Variants in RAB28 observed in about 807,000 individuals in gnomAD.
The protein encoded by RAB28 is ras-related protein Rab-28.
A neutral mutation model predicts 31.7 loss-of-function variants in RAB28; 24 were observed. The ratio of observed to expected loss-of-function variants is 0.76; its 90% confidence interval spans 0.55 to 1.06. RAB28 has a LOEUF of 1.06. Among genes scored for constraint, RAB28 ranks in the 50% least tolerant of loss-of-function variants. The pLI is 0.00. For missense variants in RAB28, 254 were observed against 258.5 expected (o/e 0.98, Z 0.12); for synonymous variants, 100 against 90.4 (o/e 1.11, Z -0.60).
At chr4:13,399,274 T>C (rs913924581) in intron 4 of RAB28, among the ~76,000 whole-genome samples, 7 of 152,216 alleles carry the variant, frequency 4.6e-5, no homozygotes, top group Non-Finnish European at 1.0e-4. Flanking sequence ...ATGAAGTATA[T>C]ACAGTTCATG....
intron 5 of RAB28, 89 bp downstream of exon 5, chr4:13,381,402 T>A: frequency 1.1e-6 from 1 of 904,914 alleles, no homozygotes; most frequent in Non-Finnish European, 1.7e-6. Flanking sequence ...ATTAATTTGC[T>A]CCAAAAGTTA....
Position 13,404,622 on chromosome 4 carries a change from T to C in RAB28, c.392-23028A>G, listed in dbSNP as rs550451876. On this transcript the variant is annotated intron_variant, in intron 4 of 6. Coordinates refer to ENST00000330852, the MANE Select transcript of RAB28 (RefSeq NM_001017979.3). ...AGGAGCTTAATTTCAAACCTAGAAA[T>C]ATTCTAGGCTTCAAACATCTCCATT... Among the ~76,000 whole-genome samples the C allele has an allele frequency of 2.0e-5, 3 of 152,146 alleles. No individual in the cohort carries two copies. The South Asian group carries it at 6.2e-4, about 32-fold the overall frequency.
intron 4 of RAB28, among the ~76,000 whole-genome samples, chr4:13,445,439 G>A (rs1034201456): frequency 2.0e-5 from 3 of 152,024 alleles, no homozygotes; most frequent in Admixed American, 6.6e-5. Context: ...AGGAAAAGAG[G>A]CATTCTGGCT....
At chr4:13,422,671 G>C (rs1713233231) in intron 4 of RAB28, among the ~76,000 whole-genome samples, 1 of 151,902 alleles carries the variant, frequency 6.6e-6, no homozygotes, top group Admixed American at 6.6e-5. Flanking sequence ...AACACTGCAT[G>C]TGCTCACTCA....
chr4:13,371,636 A>T, intron 6 of RAB28: 4 of 985,348 alleles, frequency 4.1e-6, no homozygotes, highest in Non-Finnish European at 4.8e-6. Flanking sequence ...ACTGTAAGCC[A>T]TAACCAAGGC....
At position 13,385,800 on chromosome 4, in the gene RAB28, T is replaced by A. The variant is rs112984677; in HGVS notation, c.392-4206A>T. 7.5e-3 allele frequency among the ~76,000 whole-genome samples: 1,138 copies of A among 152,214 alleles called. 7 individuals are homozygous for A. The highest frequency in any genetic ancestry group is 0.013 in the Non-Finnish European group (851 of 67,982). On this transcript the variant is annotated intron_variant, in intron 4 of 6. Transcript: ENST00000330852. ...TCTGCATAATAACCAGCTAACCTCA[T>A]GATGACATCCACATGCGAAAGAATA...
At chr4:13,420,329 C>T (rs1039119211) in intron 4 of RAB28, among the ~76,000 whole-genome samples, 3 of 152,106 alleles carry the variant, frequency 2.0e-5, no homozygotes, top group Admixed American at 2.0e-4. Flanking sequence ...ACCAGAGGTA[C>T]AAAGAGGAGC....
chr4:13,480,450 T>C (rs112910935), intron 1 of RAB28, among the ~76,000 whole-genome samples: 1 of 151,878 alleles, frequency 6.6e-6, no homozygotes, highest in Non-Finnish European at 1.5e-5. Context: ...AAATAGCCGT[T>C]TTTTATTTTA....
In RAB28 at chr4:13,472,506, A is replaced by T. The variant is rs552842591; in HGVS notation, c.261+1812T>A. 4.6e-5 allele frequency among the ~76,000 whole-genome samples: 7 copies of T among 152,010 alleles called. No homozygotes were observed. In the South Asian group the frequency reaches 1.4e-3, roughly 31 times the overall value. On this transcript the variant is annotated intron_variant, in intron 3 of 6. Coordinates refer to ENST00000330852, the MANE Select transcript of RAB28 (RefSeq NM_001017979.3). The stretch of plus-strand genomic sequence containing the variant: ...CTAATTTTTAAGTGAAGAAAAATGT[A>T]TTAATTGAATTATATATTATTATTT...
intron 2 of RAB28, among the ~76,000 whole-genome samples, chr4:13,477,296 T>C (rs543594513): frequency 1.3e-5 from 2 of 151,574 alleles, no homozygotes; most frequent in South Asian, 2.1e-4. Context: ...AAAACTTGCA[T>C]GAAGAGAATG....
chr4:13,433,596 A>G (rs1713936733), intron 4 of RAB28, among the ~76,000 whole-genome samples: 1 of 152,210 alleles, frequency 6.6e-6, no homozygotes, highest in Non-Finnish European at 1.5e-5. Context: ...ATACATATCA[A>G]AACCACAATG....
chr4:13,377,891 A>G (rs1409544431), intron 5 of RAB28, among the ~76,000 whole-genome samples: 1 of 152,228 alleles, frequency 6.6e-6, no homozygotes, highest in African/African-American at 2.4e-5. Context: ...AGAGGAGTCA[A>G]GAAAGGCTCC....
intron 4 of RAB28, among the ~76,000 whole-genome samples, chr4:13,452,961 T>C (rs1472411382): frequency 6.6e-6 from 1 of 151,560 alleles, no homozygotes; most frequent in Non-Finnish European, 1.5e-5. Flanking sequence ...TGATATCAGA[T>C]ATGTATATAT....
chr4:13,390,340 C>A (rs1430174379), intron 4 of RAB28, among the ~76,000 whole-genome samples: 1 of 152,040 alleles, frequency 6.6e-6, no homozygotes, highest in African/African-American at 2.4e-5. Context: ...CCTAGGAATC[C>A]AATTTACAAG....
intron 4 of RAB28, among the ~76,000 whole-genome samples, chr4:13,407,929 G>A (rs1385235512): frequency 6.6e-6 from 1 of 152,156 alleles, no homozygotes; most frequent in Non-Finnish European, 1.5e-5. Context: ...AGATGATGGG[G>A]TTTTCTAAAT....
intron 4 of RAB28, among the ~76,000 whole-genome samples, chr4:13,405,650 G>A (rs190801311): frequency 6.6e-6 from 1 of 152,072 alleles, no homozygotes; most frequent in Admixed American, 6.5e-5. Context: ...TGTAATCATG[G>A]GAGAGCAATA....
chr4:13,386,459 T>A (rs113968188), intron 4 of RAB28, among the ~76,000 whole-genome samples: 8 of 151,332 alleles, frequency 5.3e-5, no homozygotes, highest in African/African-American at 1.9e-4. Context: ...CCTGAACAGA[T>A]ACTTCTCAAA....
intron 5 of RAB28, among the ~76,000 whole-genome samples, chr4:13,381,018 T>A (rs1729106633): frequency 6.6e-6 from 1 of 152,064 alleles, no homozygotes; most frequent in African/African-American, 2.4e-5. Context: ...AGTGTCACTA[T>A]TTGCCTTCAC....
chr4:13,440,944 G>C (rs899701980), intron 4 of RAB28, among the ~76,000 whole-genome samples: 2 of 151,952 alleles, frequency 1.3e-5, no homozygotes, highest in Non-Finnish European at 2.9e-5. Flanking sequence ...CAATCAATTA[G>C]GAATGTGGAA....
Sources: gnomAD v4.1 joint callset for allele counts (sites outside exome capture counted in the v4.1 genomes callset) on GRCh38, gnomAD v4.1.1 for gene constraint, MANE v1.5 for transcripts, NCBI Gene and HGNC (gene_info 2026-07-23, HGNC 2026-07-21) for gene names.